Variants in NCKAP5 observed in about 807,000 individuals in gnomAD.
NCKAP5 encodes NCK associated protein 5, also known as nck-associated protein 5.
A neutral mutation model predicts 167.0 loss-of-function variants in NCKAP5; 92 were observed. That is an observed-to-expected ratio of 0.55 (90% CI 0.47 to 0.66). The LOEUF (loss-of-function observed/expected upper bound fraction) is 0.66, where lower values mean the gene tolerates loss of function less well. Among genes scored for constraint, NCKAP5 ranks in the 30% least tolerant of loss-of-function variants. The pLI is 0.00. For synonymous variants in NCKAP5, 891 were observed against 877.4 expected (o/e 1.02, Z -0.27); for missense variants, 2,378 against 2,315.0 (o/e 1.03, Z -0.56).
intron 6 of NCKAP5, among the ~76,000 whole-genome samples, chr2:133,083,254 C>T (rs574035067): frequency 7.9e-5 from 12 of 152,206 alleles, no homozygotes; most frequent in Admixed American, 7.2e-4. Context: ...GCCAAAAGTA[C>T]CTTAGGTATT....
At chr2:133,379,288 AAAT>A in intron 3 of NCKAP5, among the ~76,000 whole-genome samples, 1 of 152,284 alleles carries the variant, frequency 6.6e-6, no homozygotes, top group East Asian at 1.9e-4. Context: ...TCGTGATTCA[AAAT>A]AATAATAACC....
intron 3 of NCKAP5, among the ~76,000 whole-genome samples, chr2:133,308,242 C>CTG (rs1680942424): frequency 6.6e-6 from 1 of 151,606 alleles, no homozygotes; most frequent in Non-Finnish European, 1.5e-5. Flanking sequence ...GCGCCCGCCA[C>CTG]CACGCCCGGC....
intron 7 of NCKAP5, among the ~76,000 whole-genome samples, chr2:132,990,464 C>T (rs1305037301): frequency 2.6e-5 from 4 of 152,254 alleles, no homozygotes; most frequent in South Asian, 2.1e-4. Flanking sequence ...AGAATAATAC[C>T]TATCCTCAAA....
intron 11 of NCKAP5, among the ~76,000 whole-genome samples, chr2:132,820,481 G>A (rs1686640592): frequency 6.6e-6 from 1 of 151,984 alleles, no homozygotes; most frequent in Non-Finnish European, 1.5e-5. Context: ...GCCCGCCTTG[G>A]CCTCCCAAAG....
intron 6 of NCKAP5, among the ~76,000 whole-genome samples, chr2:133,115,868 T>C (rs1265217351): frequency 1.5e-5 from 2 of 134,442 alleles, no homozygotes; most frequent in Non-Finnish European, 3.2e-5. Flanking sequence ...GGTATGGAGA[T>C]TGGTGATTTG....
At position 132,673,384 on chromosome 2, in the gene NCKAP5, CT is replaced by C. The variant is rs1683990350; in HGVS notation, c.5714-80del. ...ATCCTATCTAATATTCAATTATTGTCTGTATAAAGTACAGTTTAAAGGGACA... is the reference window on the plus strand; with the variant it reads ...ATCCTATCTAATATTCAATTATTGTCGTATAAAGTACAGTTTAAAGGGACA... On this transcript the variant is annotated intron_variant, in intron 19 of 19. Transcript: ENST00000409261. 9.3e-5 allele frequency: 112 copies of C among 1,207,250 alleles called. 1 individual carries two copies. The South Asian group carries it at 1.7e-3, about 18-fold the overall frequency. The allele number at this position is 1,207,250 out of a possible 1,614,324, so 74.8% of individuals were successfully genotyped here. A position where few individuals can be genotyped will look rare whatever the true frequency, so the allele number is the denominator to read the frequency against.
At chr2:133,094,714 T>C (rs2149653215) in intron 6 of NCKAP5, among the ~76,000 whole-genome samples, 1 of 152,306 alleles carries the variant, frequency 6.6e-6, no homozygotes, top group East Asian at 1.9e-4. Context: ...ATAAGTTGAC[T>C]TTGAGTTAAT....
At chr2:132,794,233 T>C (rs1296046927) in intron 12 of NCKAP5, among the ~76,000 whole-genome samples, 5 of 36,162 alleles carry the variant, frequency 1.4e-4, no homozygotes, top group South Asian at 1.3e-3. Context: ...CATATATATA[T>C]ATATATATAT....
intron 16 of NCKAP5, among the ~76,000 whole-genome samples, chr2:132,758,081 T>C (rs920765489): frequency 1.3e-5 from 2 of 152,210 alleles, no homozygotes; most frequent in African/African-American, 4.8e-5. Flanking sequence ...CTCAGTATAC[T>C]GCTTTTAGGC....
intron 1 of NCKAP5, among the ~76,000 whole-genome samples, chr2:133,562,123 G>A (rs948786072): frequency 6.6e-6 from 1 of 151,480 alleles, no homozygotes; most frequent in Non-Finnish European, 1.5e-5. Flanking sequence ...ATATGATTTA[G>A]GAATATTACA....
intron 3 of NCKAP5, among the ~76,000 whole-genome samples, chr2:133,427,762 T>A (rs1033119527): frequency 3.3e-5 from 5 of 152,126 alleles, no homozygotes; most frequent in African/African-American, 1.2e-4. Flanking sequence ...TTAAAAAATC[T>A]ATCAATTAAA....
intron 12 of NCKAP5, among the ~76,000 whole-genome samples, chr2:132,792,390 T>G (rs1030258500): frequency 1.3e-5 from 2 of 152,246 alleles, no homozygotes; most frequent in Admixed American, 1.3e-4. Flanking sequence ...TCTCCACAGA[T>G]GCCTACAACA....
chr2:132,707,654 C>T (rs1006584566), intron 19 of NCKAP5, among the ~76,000 whole-genome samples: 4 of 152,156 alleles, frequency 2.6e-5, no homozygotes, highest in African/African-American at 7.2e-5. Flanking sequence ...GTGATGTAAG[C>T]GTGAGCAAAA....
chr2:133,452,912 A>G (rs1242459788), intron 3 of NCKAP5, among the ~76,000 whole-genome samples: 1 of 152,124 alleles, frequency 6.6e-6, no homozygotes, highest in East Asian at 1.9e-4. Context: ...TCATTTATTT[A>G]TATTATTAGA....
chr2:133,557,911 T>C (rs1024967960), intron 2 of NCKAP5: 6 of 152,222 alleles, frequency 3.9e-5, no homozygotes, highest in Admixed American at 3.9e-4. Context: ...CTTGGTGCTT[T>C]GATAATTGCC....
chr2:133,482,585 C>T (rs1337340408), intron 3 of NCKAP5, among the ~76,000 whole-genome samples: 1 of 152,142 alleles, frequency 6.6e-6, no homozygotes, highest in Admixed American at 6.6e-5. Context: ...GCTATTTTGA[C>T]TAATTCTGCA....
intron 6 of NCKAP5, among the ~76,000 whole-genome samples, chr2:133,064,636 T>C (rs1404922198): frequency 2.0e-5 from 3 of 152,210 alleles, no homozygotes; most frequent in Non-Finnish European, 4.4e-5. Context: ...AAGTTTTAAA[T>C]TACTGCTCAT....
At chr2:132,800,294 T>G (rs1215276276) in intron 11 of NCKAP5, among the ~76,000 whole-genome samples, 2 of 152,194 alleles carry the variant, frequency 1.3e-5, no homozygotes, top group Non-Finnish European at 2.9e-5. Context: ...GAATAAAATC[T>G]CATCTGAAAT....
At chr2:132,682,985 G>A (rs1419604722) in intron 19 of NCKAP5, among the ~76,000 whole-genome samples, 1 of 150,674 alleles carries the variant, frequency 6.6e-6, no homozygotes, top group Non-Finnish European at 1.5e-5. Context: ...CCCAGTTCAT[G>A]CTATTCTCCT....
Sources: gnomAD v4.1 joint callset for allele counts (sites outside exome capture counted in the v4.1 genomes callset) on GRCh38, gnomAD v4.1.1 for gene constraint, MANE v1.5 for transcripts, NCBI Gene and HGNC (gene_info 2026-07-23, HGNC 2026-07-21) for gene names.